The following UNC79 variants were observed in gnomAD, a reference collection of about 807,000 sequenced individuals.
UNC79 encodes protein unc-79 homolog.
UNC79 carries 37 observed loss-of-function variants against 283.1 expected under a neutral mutation model. That is an observed-to-expected ratio of 0.13 (90% CI 0.10 to 0.17). The LOEUF is 0.17. Among genes scored for constraint, UNC79 ranks in the 10% least tolerant of loss-of-function variants. The probability of loss-of-function intolerance (pLI) is 1.00; values close to 1 mark genes in which losing one functional copy is unlikely to be tolerated. For synonymous variants in UNC79, 1,107 were observed against 1,200.2 expected (o/e 0.92, Z 1.61); for missense variants, 2,272 against 3,211.1 (o/e 0.71, Z 7.07).
At chr14:93,443,278 A>G (rs995941364) in intron 1 of UNC79, among the ~76,000 whole-genome samples, 3 of 151,608 alleles carry the variant, frequency 2.0e-5, no homozygotes, top group Non-Finnish European at 4.4e-5. Context: ...TATCTTAGAA[A>G]GATTCCTTGT....
At chr14:93,609,266 A>G (rs2066120858) in intron 26 of UNC79, among the ~76,000 whole-genome samples, 1 of 152,244 alleles carries the variant, frequency 6.6e-6, no homozygotes, top group Admixed American at 6.5e-5. Context: ...GCAAAGGTGC[A>G]AAGAGGGAAA....
At chr14:93,674,124 A>G (rs774075310) in intron 41 of UNC79, among the ~76,000 whole-genome samples, 1 of 152,216 alleles carries the variant, frequency 6.6e-6, no homozygotes, top group Non-Finnish European at 1.5e-5. Context: ...GACCTGAGAC[A>G]GGCTATGATA....
At chr14:93,435,997 T>C (rs2056073576) in intron 1 of UNC79, among the ~76,000 whole-genome samples, 1 of 152,236 alleles carries the variant, frequency 6.6e-6, no homozygotes, top group South Asian at 2.1e-4. Flanking sequence ...AATTAGTTTC[T>C]TGTTAGTTGC....
Position 93,418,412 on chromosome 14 carries a change from G to A in UNC79, c.-350-49259G>A, listed in dbSNP as rs576385247. On this transcript the variant is annotated intron_variant, in intron 1 of 49. Transcript: ENST00000256339. ...CTCAGAGGAGTACCCGGCCATGTGA[G>A]GTGTCAGTCTGCCCCTACTGGGGGG... is the stretch of plus-strand genomic sequence containing the variant. Among the ~76,000 whole-genome samples the A allele has an allele frequency of 5.3e-5, 8 of 151,812 alleles. 1 individual carries two copies. The highest frequency in any genetic ancestry group is 1.2e-4 in the African/African-American group (5 of 41,510).
At chr14:93,616,054 G>A (rs979743105) in intron 27 of UNC79, among the ~76,000 whole-genome samples, 30 of 152,004 alleles carry the variant, frequency 2.0e-4, no homozygotes, top group Admixed American at 2.0e-3. Flanking sequence ...AAGTTCTTTA[G>A]TGGTGATTTC....
intron 14 of UNC79, among the ~76,000 whole-genome samples, chr14:93,565,087 G>T (rs947881392): frequency 6.6e-6 from 1 of 152,172 alleles, no homozygotes; most frequent in East Asian, 1.9e-4. Flanking sequence ...GCAAGATCAG[G>T]TGTCCATTGA....
intron 10 of UNC79, among the ~76,000 whole-genome samples, chr14:93,530,275 T>A (rs2060744312): frequency 6.6e-6 from 1 of 151,988 alleles, no homozygotes; most frequent in Non-Finnish European, 1.5e-5. Flanking sequence ...AAAATTTACA[T>A]AAAAATATCT....
intron 12 of UNC79, among the ~76,000 whole-genome samples, chr14:93,540,235 ATGGT>A (rs2061311249): frequency 1.3e-5 from 2 of 152,350 alleles, no homozygotes; most frequent in Middle Eastern, 3.4e-3. Flanking sequence ...TGAATATCAG[ATGGT>A]GAATATTTTT....
intron 2 of UNC79, among the ~76,000 whole-genome samples, chr14:93,472,650 A>T (rs1442938077): frequency 6.6e-6 from 1 of 152,144 alleles, no homozygotes; most frequent in East Asian, 1.9e-4. Context: ...ACATTGTAAC[A>T]TATTTTGCAC....
intron 1 of UNC79, among the ~76,000 whole-genome samples, chr14:93,344,330 A>T (rs1375029681): frequency 6.6e-6 from 1 of 152,260 alleles, no homozygotes; most frequent in Non-Finnish European, 1.5e-5. Context: ...TGTTAGCAAT[A>T]GAAATGCAGC....
At chr14:93,479,171 G>GTTTC (rs1390314213) in intron 4 of UNC79, among the ~76,000 whole-genome samples, 1 of 122,504 alleles carries the variant, frequency 8.2e-6, no homozygotes, top group African/African-American at 3.2e-5. Flanking sequence ...AGATGAGGCT[G>GTTTC]TTTCCTTCCT....
chr14:93,367,985 G>C (rs1234522528), intron 1 of UNC79, among the ~76,000 whole-genome samples: 1 of 152,152 alleles, frequency 6.6e-6, no homozygotes, highest in Non-Finnish European at 1.5e-5. Flanking sequence ...AGTGACACAG[G>C]ATTGAATTTA....
intron 11 of UNC79, among the ~76,000 whole-genome samples, chr14:93,533,845 C>A (rs1234512258): frequency 6.6e-6 from 1 of 152,208 alleles, no homozygotes; most frequent in Non-Finnish European, 1.5e-5. Flanking sequence ...TAATTATTTA[C>A]CTTCTTTCCA....
At chr14:93,582,428 C>T (rs2063887885) in intron 20 of UNC79, 84 bp downstream of exon 20, 1 of 1,552,026 alleles carries the variant, frequency 6.4e-7, no homozygotes, top group African/African-American at 1.4e-5. Context: ...TTAATATCGA[C>T]TTGGGCAAAT....
chr14:93,593,795 G>T (rs1426775602), exon 23 of UNC79: 1 of 1,613,804 alleles, frequency 6.2e-7, no homozygotes, highest in Non-Finnish European at 8.5e-7. Flanking sequence ...AATCATAAAT[G>T]GCAATTTCAA....
intron 35 of UNC79, among the ~76,000 whole-genome samples, chr14:93,647,940 C>T (rs2069808921): frequency 6.6e-6 from 1 of 152,174 alleles, no homozygotes; most frequent in Non-Finnish European, 1.5e-5. Flanking sequence ...TTTATAAAAC[C>T]ATCAGATCTC....
intron 1 of UNC79, among the ~76,000 whole-genome samples, chr14:93,379,462 C>T (rs1432110958): frequency 6.6e-6 from 1 of 152,140 alleles, no homozygotes; most frequent in African/African-American, 2.4e-5. Flanking sequence ...GGTTTCATGA[C>T]TTTAAGCCCA....
rs1192432445 is a variant in UNC79 at position 93,431,062 on chromosome 14, G to GCCGGCCCGGCATT, written c.22+22_22+34dup. The GCCGGCCCGGCATT allele has an allele frequency of 8.6e-6, 6 of 701,336 alleles. No homozygotes were observed. Among genetic ancestry groups the GCCGGCCCGGCATT allele is most frequent in the Non-Finnish European group, 1.3e-5 (5 of 384,594 alleles). 43.4% of individuals were successfully genotyped at this position (701,336 alleles called of 1,614,324 possible). A position where few individuals can be genotyped will look rare whatever the true frequency, so the allele number is the denominator to read the frequency against. The stretch of plus-strand genomic sequence containing the variant: ...CCAAAGCGGAGCAGTGTAAGTAGCA[G>GCCGGCCCGGCATT]CCGGCCCGGCATTCCGGCCCGGCCT... On this transcript the variant is annotated intron_variant, in intron 1 of 48. Transcript: ENST00000555664.
At chr14:93,655,728 A>G (rs115376761) in intron 38 of UNC79, among the ~76,000 whole-genome samples, 1,970 of 152,140 alleles carry the variant, frequency 0.013, 41 homozygotes, top group African/African-American at 0.045. Context: ...CGTAGATATT[A>G]AATAAGTAAG....
Sources: allele counts gnomAD v4.1 joint callset (sites outside exome capture counted in the v4.1 genomes callset), GRCh38; gene constraint gnomAD v4.1.1; transcripts MANE v1.5; gene names NCBI Gene and HGNC (gene_info 2026-07-23, HGNC 2026-07-21).